MAP4: variants seen among roughly 807,000 people sequenced by gnomAD.
MAP4 encodes the protein microtubule associated protein 4.
In MAP4, 76 loss-of-function variants were observed where a neutral mutation model predicts 170.2. The ratio of observed to expected loss-of-function variants is 0.45; its 90% CI spans 0.37 to 0.54. MAP4 has a LOEUF of 0.54. MAP4 is among the 20% of genes least tolerant of loss of function. The pLI, the probability that MAP4 is intolerant of heterozygous loss-of-function variation, is 0.00. For synonymous variants in MAP4, 909 were observed against 994.5 expected (o/e 0.91, Z 1.62); for missense variants, 2,506 against 2,748.0 (o/e 0.91, Z 1.97).
At chr3:47,958,380 T>C (rs569197750) in intron 3 of MAP4, among the ~76,000 whole-genome samples, 38 of 152,236 alleles carry the variant, frequency 2.5e-4, no homozygotes, top group South Asian at 6.2e-4. Flanking sequence ...GAAAGAAGCC[T>C]AGATATCAAC....
intron 3 of MAP4, among the ~76,000 whole-genome samples, chr3:47,965,355 C>T (rs1385780714): frequency 6.6e-6 from 1 of 152,178 alleles, no homozygotes; most frequent in East Asian, 1.9e-4. Context: ...AATGCTGCTA[C>T]AAACATGAGT....
At chr3:48,005,556 A>G (rs991876588) in intron 1 of MAP4, among the ~76,000 whole-genome samples, 1 of 152,118 alleles carries the variant, frequency 6.6e-6, no homozygotes, top group Admixed American at 6.5e-5. Flanking sequence ...AGGTTCTAAT[A>G]GTTTATTTGC....
chr3:47,945,476 A>G (rs2100059193), intron 3 of MAP4, among the ~76,000 whole-genome samples: 1 of 152,004 alleles, frequency 6.6e-6, no homozygotes, highest in Admixed American at 6.6e-5. Flanking sequence ...CTTTCTCTTC[A>G]CTATTCCCAG....
intron 10 of MAP4, among the ~76,000 whole-genome samples, chr3:47,898,205 C>T (rs1217523846): frequency 1.3e-5 from 2 of 151,984 alleles, no homozygotes; most frequent in Non-Finnish European, 2.9e-5. Flanking sequence ...AGAGTAGCTT[C>T]TAGTTTCATT....
intron 17 of MAP4, among the ~76,000 whole-genome samples, chr3:47,865,948 T>C (rs1348644247): frequency 6.6e-6 from 1 of 152,186 alleles, no homozygotes; most frequent in African/African-American, 2.4e-5. Flanking sequence ...TGAGCTGGGA[T>C]CACCTGTGTC....
At chr3:47,906,061 C>G (rs1265013986) in intron 9 of MAP4, among the ~76,000 whole-genome samples, 5 of 150,388 alleles carry the variant, frequency 3.3e-5, no homozygotes, top group East Asian at 1.9e-4. Flanking sequence ...TAATTTTTCA[C>G]CGATTAGATC....
intron 1 of MAP4, among the ~76,000 whole-genome samples, chr3:48,058,336 T>C (rs920568826): frequency 2.6e-5 from 4 of 152,180 alleles, no homozygotes; most frequent in African/African-American, 9.7e-5. Flanking sequence ...AAAAGTACCA[T>C]GTACATAATT....
intron 15 of MAP4, among the ~76,000 whole-genome samples, chr3:47,869,948 A>G (rs2088427401): frequency 6.6e-6 from 1 of 152,152 alleles, no homozygotes; most frequent in Admixed American, 6.5e-5. Context: ...GCTCTTCTCT[A>G]GACTGATCTC....
At chr3:47,922,162 T>G (rs1197493235) in intron 4 of MAP4, among the ~76,000 whole-genome samples, 2 of 151,978 alleles carry the variant, frequency 1.3e-5, no homozygotes, top group African/African-American at 2.4e-5. Context: ...TTGGCCAGGC[T>G]AGTCTCAAAC....
intron 1 of MAP4, among the ~76,000 whole-genome samples, chr3:48,050,258 CAAAAAAA>C (rs11345368): frequency 8.3e-6 from 1 of 120,576 alleles, no homozygotes; most frequent in Non-Finnish European, 1.7e-5. Flanking sequence ...GACTCCATCT[CAAAAAAA>C]AAAAAAAAAT....
chr3:47,885,760 G>A (rs564328666), intron 10 of MAP4, among the ~76,000 whole-genome samples: 5 of 144,312 alleles, frequency 3.5e-5, no homozygotes, highest in South Asian at 2.2e-4. Context: ...ACGGAATCTC[G>A]CTCTGTCACC....
chr3:48,015,772 A>T (rs540962134), intron 1 of MAP4, among the ~76,000 whole-genome samples: 11 of 152,338 alleles, frequency 7.2e-5, no homozygotes, highest in African/African-American at 2.2e-4. Flanking sequence ...AATCTTTAGC[A>T]AGGATGTCTA....
Position 47,916,465 on chromosome 3 carries a change from C to T in MAP4, c.1362G>A (p.Pro454=), listed in dbSNP as rs144609522. Residue 454 remains proline, a synonymous_variant, in exon 7 of 21, where the codon CCG becomes CCA. Transcript: ENST00000683076. ...CCTTGGTCAAGATCACGTTGGTTTCCGGGGGCAGTGTCATGTCCCTGGCCA... is the reference window on the plus strand; with the variant it reads ...CCTTGGTCAAGATCACGTTGGTTTCTGGGGGCAGTGTCATGTCCCTGGCCA... ...VALARDMTLP[P]ETNVILTKDK... 1.3e-4 allele frequency: 202 copies of T among 1,614,032 alleles called. No individual in the cohort carries two copies. In the African/African-American group the frequency reaches 1.6e-3, roughly 13 times the overall value.
intron 12 of MAP4, among the ~76,000 whole-genome samples, chr3:47,874,185 A>G: frequency 6.6e-6 from 1 of 152,192 alleles, no homozygotes; most frequent in East Asian, 1.9e-4. Flanking sequence ...AGATTAGAAC[A>G]GGACTGGCGC....
chr3:47,891,894 C>A, intron 10 of MAP4: 2 of 1,536,144 alleles, frequency 1.3e-6, no homozygotes, highest in Non-Finnish European at 1.7e-6. Context: ...GGAGTTGCTT[C>A]CCTTGAGCCC....
chr3:48,085,704 C>T (rs2100148662), intron 1 of MAP4, among the ~76,000 whole-genome samples: 1 of 152,008 alleles, frequency 6.6e-6, no homozygotes, highest in Admixed American at 6.6e-5. Context: ...GGTGGATCAT[C>T]TGAGGTCAGG....
intron 1 of MAP4, among the ~76,000 whole-genome samples, chr3:48,087,743 G>GCACA (rs1211603666): frequency 1.8e-3 from 124 of 68,050 alleles, no homozygotes; most frequent in Middle Eastern, 8.9e-3. Context: ...ACACACGCAC[G>GCACA]CGCACACACA....
Position 47,892,188 on chromosome 3 carries a change from C to G in MAP4, c.5434+10762G>C, listed in dbSNP as rs746949018. The G allele has an allele frequency of 9.8e-6, 15 of 1,536,240 alleles. No individual in the cohort carries two copies. The South Asian group carries it at 1.5e-4, about 16-fold the overall frequency. The stretch of plus-strand genomic sequence containing the variant: ...ATCACATACCTGCTCTCAAGGTGAC[C>G]TGAGGCTTCTTGACAGTCCTTGTCC... On this transcript the variant is annotated intron_variant, in intron 10 of 20. Coordinates refer to ENST00000683076, the MANE Select transcript of MAP4 (RefSeq NM_001385682.1).
At position 47,910,430 on chromosome 3, in the gene MAP4, G is replaced by A; in HGVS notation, c.3991C>T (p.Gln1331Ter). The change falls in exon 9 of 21, where the codon CAG becomes TAG. Residue 1331 changes from glutamine to a stop codon, truncating the protein, a stop_gained. Transcript: ENST00000683076. LOFTEE classifies it high-confidence loss of function. ...VTDVSCQEQI[Q>*]GAGFVPSVVS... ...ACTGAAGGAACAAATCCTGCCCCCT[G>A]GATTTGCTCTTGGCAGCTCACATCT... 3 of 1,536,058 alleles carry A rather than the reference G, an allele frequency of 2.0e-6. No homozygotes were observed. Among genetic ancestry groups the A allele is most frequent in the Non-Finnish European group, 2.6e-6 (3 of 1,146,826 alleles).
Sources: allele counts gnomAD v4.1 joint callset (sites outside exome capture counted in the v4.1 genomes callset), GRCh38; gene constraint gnomAD v4.1.1; transcripts MANE v1.5; gene names NCBI Gene and HGNC (gene_info 2026-07-23, HGNC 2026-07-21).